Variants in PLPPR4 observed in about 807,000 individuals in gnomAD.
PLPPR4 encodes the protein phospholipid phosphatase-related protein type 4.
A neutral mutation model predicts 56.6 loss-of-function variants in PLPPR4; 24 were observed. The observed-to-expected ratio is 0.42, with a 90% CI of 0.31 to 0.60. The LOEUF (loss-of-function observed/expected upper bound fraction) is 0.60. Among genes scored for constraint, PLPPR4 ranks in the 20% least tolerant of loss-of-function variants. The pLI is 0.13. For synonymous variants in PLPPR4, 326 were observed against 328.1 expected, an observed-to-expected ratio of 0.99 and a Z score of 0.07; for missense variants, 654 against 885.8, an observed-to-expected ratio of 0.74 and a Z score of 3.32.
rs921465655 is a variant in PLPPR4 at position 99,307,268 on chromosome 1, T to C, written c.*258T>C. 2.2e-6 allele frequency: 1 copy of C among 446,374 alleles called. No individual in the cohort carries two copies. Among genetic ancestry groups the C allele is most frequent in the African/African-American group, 2.0e-5 (1 of 50,574 alleles). The allele number at this position is 446,374 out of a possible 1,614,324, so 27.7% of individuals were successfully genotyped here. On this transcript the variant is annotated 3_prime_UTR_variant, in exon 7 of 7. Transcript: ENST00000370185. ...ACCTGTCGTCAAACTTAAAAGGTTT[T>C]GCAGAGGGCAGTATCAAAAGAAAGT... is the stretch of plus-strand genomic sequence containing the variant.
chr1:99,294,740 C>T (rs1168375767), intron 2 of PLPPR4, among the ~76,000 whole-genome samples: 1 of 151,374 alleles, frequency 6.6e-6, no homozygotes, highest in African/African-American at 2.4e-5. Flanking sequence ...GTCTCAAGCT[C>T]ATTTGAGATA....
At position 99,306,120 on chromosome 1, in the gene PLPPR4, G is replaced by A. The variant is rs772461989; in HGVS notation, c.1258G>A (p.Glu420Lys). 1.9e-6 allele frequency: 3 copies of A among 1,614,126 alleles called. No homozygotes were observed. The South Asian group carries it at 3.3e-5, about 18-fold the overall frequency. Residue 420 changes from glutamate (E) to lysine (K), a missense_variant, in exon 7 of 7, where the codon GAG becomes AAG. Coordinates refer to ENST00000370185, the MANE Select transcript of PLPPR4 (RefSeq NM_014839.5). This position sits in a 1 kb window ranked among gnomAD's most constrained non-coding sequence, Gnocchi z 4.0. ...GTTGTCCTTGCAAGTTATAGAGCCT[G>A]AGCCTGGGCAGTCACCACCCAGATC... ...RKLSLQVIEP[E>K]PGQSPPRSIE...
At chr1:99,301,502 G>C (rs147917220) in intron 5 of PLPPR4, among the ~76,000 whole-genome samples, 2 of 152,088 alleles carry the variant, frequency 1.3e-5, no homozygotes, top group Non-Finnish European at 2.9e-5. Flanking sequence ...TAACTCTACT[G>C]TTTTGGTATT....
At chr1:99,283,547 C>A (rs1401514751) in intron 1 of PLPPR4, among the ~76,000 whole-genome samples, 6 of 152,164 alleles carry the variant, frequency 3.9e-5, no homozygotes. Context: ...TATAATTTTT[C>A]TTCTGGTTCC....
chr1:99,305,347 C>G (rs1287020759), intron 6 of PLPPR4, among the ~76,000 whole-genome samples: 1 of 151,982 alleles, frequency 6.6e-6, no homozygotes, highest in Non-Finnish European at 1.5e-5. Context: ...TTCCTAAATC[C>G]AGAAAAATGA....
intron 2 of PLPPR4, among the ~76,000 whole-genome samples, chr1:99,296,427 A>G (rs956749773): frequency 6.6e-6 from 1 of 152,136 alleles, no homozygotes; most frequent in African/African-American, 2.4e-5. Flanking sequence ...CTACACTCAC[A>G]TACTTTCCAT....
intron 1 of PLPPR4, among the ~76,000 whole-genome samples, chr1:99,274,104 T>C (rs540716865): frequency 6.6e-6 from 1 of 152,238 alleles, no homozygotes; most frequent in South Asian, 2.1e-4. Context: ...TTACATAAGG[T>C]GCATATACCA....
At chr1:99,280,482 A>G (rs1659296379) in intron 1 of PLPPR4, among the ~76,000 whole-genome samples, 1 of 152,184 alleles carries the variant, frequency 6.6e-6, no homozygotes, top group African/African-American at 2.4e-5. Flanking sequence ...TTCAGTGAAC[A>G]TTTATTGGAC....
intron 1 of PLPPR4, among the ~76,000 whole-genome samples, chr1:99,284,564 A>G (rs1659415846): frequency 6.6e-6 from 1 of 152,030 alleles, no homozygotes. Context: ...TACAGGTGTG[A>G]GCCACTGCGC....
At chr1:99,263,117 C>T (rs918965767), upstream of PLPPR4, among the ~76,000 whole-genome samples, 13 of 152,054 alleles carry the variant, frequency 8.5e-5, no homozygotes, top group African/African-American at 3.1e-4. Flanking sequence ...AATGGCTGGA[C>T]AGAAAAAATT....
At chr1:99,288,384 A>G (rs1003099725) in intron 2 of PLPPR4, among the ~76,000 whole-genome samples, 1 of 152,170 alleles carries the variant, frequency 6.6e-6, no homozygotes, top group Non-Finnish European at 1.5e-5. Flanking sequence ...GTTTATTTTT[A>G]TTAATCATTA....
At position 99,306,145 on chromosome 1, in the gene PLPPR4, C is replaced by T; in HGVS notation, c.1283C>T (p.Ser428Phe). Residue 428 changes from serine to phenylalanine, a missense_variant, in exon 7 of 7, where the codon TCC (serine) becomes TTC (phenylalanine). Ser to Phe is a radical substitution (Grantham distance 155, BLOSUM62 -2). Transcript: ENST00000370185. This position sits in a 1 kb window ranked among gnomAD's most constrained non-coding sequence, Gnocchi z 4.0. ...GAGCCTGGGCAGTCACCACCCAGAT[C>T]CATAGAAATGAGGTCAAGCTCAGAG... is the stretch of plus-strand genomic sequence containing the variant. ...EPEPGQSPPR[S>F]IEMRSSSEPS... 6.2e-7 allele frequency: 1 copy of T among 1,614,092 alleles called. No homozygotes were observed. Among genetic ancestry groups the T allele is most frequent in the Non-Finnish European group, 8.5e-7 (1 of 1,180,016 alleles).
intron 4 of PLPPR4, among the ~76,000 whole-genome samples, chr1:99,299,976 C>G (rs1328559995): frequency 6.6e-6 from 1 of 151,906 alleles, no homozygotes. Context: ...CAATAAGTTG[C>G]CAAATATTGA....
At chr1:99,286,891 A>T (rs922867252) in intron 1 of PLPPR4, among the ~76,000 whole-genome samples, 1 of 152,190 alleles carries the variant, frequency 6.6e-6, no homozygotes, top group Non-Finnish European at 1.5e-5. Context: ...GATCTGAAAT[A>T]CTTTGTTGTT....
At chr1:99,298,231 C>A (rs1278412642) in intron 3 of PLPPR4, among the ~76,000 whole-genome samples, 1 of 152,090 alleles carries the variant, frequency 6.6e-6, no homozygotes, top group African/African-American at 2.4e-5. Flanking sequence ...GCTGTCAAGT[C>A]AGAATGAATC....
intron 1 of PLPPR4, among the ~76,000 whole-genome samples, chr1:99,266,953 G>A (rs889497347): frequency 6.6e-6 from 1 of 152,218 alleles, no homozygotes; most frequent in Admixed American, 6.5e-5. Flanking sequence ...TTGCATGTTA[G>A]TAAAATGCTC....
In PLPPR4 at chr1:99,306,119, T is replaced by A. The variant is rs748643156; in HGVS notation, c.1257T>A (p.Pro419=). 1 of 1,614,150 alleles carries A rather than the reference T, an allele frequency of 6.2e-7. No homozygotes were observed. The highest frequency in any genetic ancestry group is 8.5e-7 in the Non-Finnish European group (1 of 1,180,008). ...AGTTGTCCTTGCAAGTTATAGAGCC[T>A]GAGCCTGGGCAGTCACCACCCAGAT... ...SRKLSLQVIE[P]EPGQSPPRSI... The change falls in exon 7 of 7, where the codon CCT becomes CCA. Residue 419 remains proline (P), a synonymous_variant. Transcript: ENST00000370185. This position sits in a 1 kb window ranked among gnomAD's most constrained non-coding sequence, Gnocchi z 4.0.
chr1:99,308,078 A>C lies in PLPPR4; in HGVS notation c.*1068A>C, dbSNP rs1031779972. 6.6e-6 allele frequency: 1 copy of C among 152,248 alleles called. No individual in the cohort carries two copies. The highest frequency in any genetic ancestry group is 2.4e-5 in the African/African-American group (1 of 41,466). 9.4% of individuals were successfully genotyped at this position (152,248 alleles called of 1,614,324 possible). A position where few individuals can be genotyped will look rare whatever the true frequency, so the allele number is the denominator to read the frequency against. ...GTCAAGTTTGCCCTTAGATGTCTAC[A>C]ACTAGCTGGCATAGGTTGCCATCTT... On this transcript the variant is annotated 3_prime_UTR_variant, in exon 7 of 7. Coordinates refer to ENST00000370185, the MANE Select transcript of PLPPR4 (RefSeq NM_014839.5).
chr1:99,269,617 A>C (rs902696253), intron 1 of PLPPR4, among the ~76,000 whole-genome samples: 2 of 152,262 alleles, frequency 1.3e-5, no homozygotes, highest in Non-Finnish European at 2.9e-5. Flanking sequence ...AGCCTAAAAA[A>C]ATATAAATTC....
Sources: gnomAD v4.1 joint callset for allele counts (sites outside exome capture counted in the v4.1 genomes callset) on GRCh38, gnomAD v4.1.1 for gene constraint, Gnocchi (gnomAD v3.1) non-coding constraint, MANE v1.5 for transcripts, NCBI Gene and HGNC (gene_info 2026-07-23, HGNC 2026-07-21) for gene names.